NBPF12: variants seen among roughly 807,000 people sequenced by gnomAD.
The protein encoded by NBPF12 is NBPF family member NBPF12.
Under a neutral mutation model 146.4 loss-of-function variants are expected in NBPF12, and 115 were observed. The observed-to-expected ratio is 0.79, with a 90% CI of 0.68 to 0.92. The LOEUF (loss-of-function observed/expected upper bound fraction) is 0.92, where lower values mean the gene tolerates loss of function less well. Among genes scored for constraint, NBPF12 ranks in the 40% least tolerant of loss-of-function variants. NBPF12 has a pLI of 0.00. For missense variants in NBPF12, 1,205 were observed against 1,326.8 expected (o/e 0.91, Z 1.43); for synonymous variants, 385 against 508.9 (o/e 0.76, Z 3.28).
chr1:146,954,845 A>G (rs1157257157), intron 2 of NBPF12, among the ~76,000 whole-genome samples: 2 of 147,390 alleles, frequency 1.4e-5, no homozygotes, highest in African/African-American at 2.5e-5. Flanking sequence ...ATGTATGTCT[A>G]ATTGATTCTT....
intron 10 of NBPF12, 112 bp from the exon 14 acceptor site, chr1:146,969,270 C>G: frequency 3.3e-6 from 3 of 914,136 alleles, no homozygotes; most frequent in Non-Finnish European, 5.3e-6. Context: ...ATGTGCTGAC[C>G]TTCTGCTTGG....
At chr1:146,961,447 C>A (rs1655844000) in intron 4 of NBPF12, among the ~76,000 whole-genome samples, 1 of 151,988 alleles carries the variant, frequency 6.6e-6, no homozygotes, top group African/African-American at 2.4e-5. Context: ...GAGGTATTTC[C>A]TGTCAATCTC....
exon 34 of NBPF12, chr1:146,994,790 G>T (rs1389588430): frequency 1.2e-6 from 1 of 842,850 alleles, no homozygotes; most frequent in Non-Finnish European, 1.8e-6. Flanking sequence ...ACATAACTGT[G>T]CAGCACATGC....
At chr1:146,939,244 G>T (rs1447166626) in intron 1 of NBPF12, among the ~76,000 whole-genome samples, 2 of 152,210 alleles carry the variant, frequency 1.3e-5, no homozygotes, top group East Asian at 1.9e-4. Flanking sequence ...GGCATCCCAG[G>T]GGGTGGAGGG....
At chr1:146,994,790 G>C in exon 34 of NBPF12, 2 of 842,850 alleles carry the variant, frequency 2.4e-6, no homozygotes, top group Non-Finnish European at 3.6e-6. Flanking sequence ...ACATAACTGT[G>C]CAGCACATGC....
chr1:146,971,201 A>G, exon 13 of NBPF12: 1 of 1,611,728 alleles, frequency 6.2e-7, no homozygotes, highest in Non-Finnish European at 8.5e-7. Context: ...AGAAGGCTGA[A>G]GAAAGCAAAG....
chr1:146,971,339 T>G (rs1553886424), exon 13 of NBPF12: 3 of 1,611,838 alleles, frequency 1.9e-6, no homozygotes, highest in Non-Finnish European at 2.5e-6. Flanking sequence ...CATCTCTGGT[T>G]GTAGACAGAG....
At chr1:146,970,105 G>C (rs1656492994) in intron 11 of NBPF12, among the ~76,000 whole-genome samples, 1 of 150,678 alleles carries the variant, frequency 6.6e-6, no homozygotes, top group Admixed American at 6.6e-5. Flanking sequence ...CCCTCTCGGT[G>C]TGGTGTTGGG....
At position 146,964,483 on chromosome 1, in the gene NBPF12, A is replaced by T. The variant is rs1553885257; in HGVS notation, c.566+54A>T. ...TGGGTGGTAACATATGAAAATGTCT[A>T]GAAGGCACACCCTCTCTGGCATCTA... On this transcript the variant is annotated intron_variant, in intron 7 of 33. Coordinates refer to ENST00000617844, the Ensembl canonical transcript of NBPF12. 2,817 of 1,592,518 alleles carry T rather than the reference A, an allele frequency of 1.8e-3. 74 individuals carry two copies. The African/African-American group carries it at 0.034, about 19-fold the overall frequency.
intron 18 of NBPF12, among the ~76,000 whole-genome samples, chr1:146,978,059 T>C (rs1250934944): frequency 1.6e-4 from 24 of 151,560 alleles, no homozygotes; most frequent in Non-Finnish European, 3.2e-4. Flanking sequence ...TTTGGAAACA[T>C]TGTTCCCCAG....
exon 14 of NBPF12, chr1:146,972,926 G>C (rs1396264998): frequency 4.1e-6 from 4 of 974,028 alleles, no homozygotes; most frequent in Non-Finnish European, 6.7e-6. Flanking sequence ...TAACTCAAGT[G>C]GCCTGCTTCC....
intron 2 of NBPF12, among the ~76,000 whole-genome samples, chr1:146,954,934 T>G (rs1655507580): frequency 8.0e-6 from 1 of 125,546 alleles, no homozygotes; most frequent in Non-Finnish European, 1.7e-5. Flanking sequence ...TATATATATA[T>G]TCACCGTTTT....
At chr1:146,940,025 T>C in intron 1 of NBPF12, among the ~76,000 whole-genome samples, 1 of 152,004 alleles carries the variant, frequency 6.6e-6, no homozygotes, top group Non-Finnish European at 1.5e-5. Context: ...TATCTTTTCT[T>C]TGAGTTACAG....
chr1:146,972,955 A>G, exon 14 of NBPF12: 1 of 923,864 alleles, frequency 1.1e-6, no homozygotes, highest in African/African-American at 1.6e-5. Context: ...CAGCAGAACA[A>G]ATACAGTAAG....
At chr1:146,968,854 A>G (rs1419594133) in intron 10 of NBPF12, among the ~76,000 whole-genome samples, 6 of 151,342 alleles carry the variant, frequency 4.0e-5, no homozygotes, top group Non-Finnish European at 8.8e-5. Flanking sequence ...TATACTCAAA[A>G]TGGTGTGCCA....
chr1:146,940,278 A>G (rs1444009259), intron 1 of NBPF12, among the ~76,000 whole-genome samples: 1 of 151,992 alleles, frequency 6.6e-6, no homozygotes, highest in Non-Finnish European at 1.5e-5. Context: ...TCGAAAAGTT[A>G]CTGAAGTATA....
exon 13 of NBPF12, chr1:146,971,344 A>G (rs1656598150): frequency 1.9e-6 from 3 of 1,611,810 alleles, no homozygotes; most frequent in South Asian, 2.2e-5. Context: ...CTGGTTGTAG[A>G]CAGAGAATCC....
At chr1:146,944,797 C>A (rs1338401481), upstream of NBPF12, among the ~76,000 whole-genome samples, 1 of 151,638 alleles carries the variant, frequency 6.6e-6, no homozygotes, top group Non-Finnish European at 1.5e-5. Flanking sequence ...TTCCTTCCTT[C>A]TTTTCTTCCC....
At chr1:146,984,696 A>G (rs1243528069) in intron 21 of NBPF12, 117 bp from the exon 25 acceptor site, 2 of 757,236 alleles carry the variant, frequency 2.6e-6, no homozygotes, top group Non-Finnish European at 2.4e-6. Context: ...TTACCTCATT[A>G]ATGGATCTGT....
Sources: allele counts gnomAD v4.1 joint callset (sites outside exome capture counted in the v4.1 genomes callset), GRCh38; gene constraint gnomAD v4.1.1; transcripts MANE v1.5; gene names NCBI Gene and HGNC (gene_info 2026-07-23, HGNC 2026-07-21).